The following RAPGEF1 variants were observed in gnomAD, a reference collection of about 807,000 sequenced individuals.
RAPGEF1 encodes Rap guanine nucleotide exchange factor 1.
A neutral mutation model predicts 143.3 loss-of-function variants in RAPGEF1; 33 were observed. The observed-to-expected ratio is 0.23, with a 90% confidence interval of 0.17 to 0.31. The LOEUF (loss-of-function observed/expected upper bound fraction) is 0.31. Among genes scored for constraint, RAPGEF1 ranks in the 10% least tolerant of loss-of-function variants. The pLI, the probability that RAPGEF1 is intolerant of heterozygous loss-of-function variation, is 1.00. For missense variants in RAPGEF1, 1,199 were observed against 1,645.4 expected, an observed-to-expected ratio of 0.73 and a Z score of 4.69; for synonymous variants, 629 against 676.5, an observed-to-expected ratio of 0.93 and a Z score of 1.09.
chr9:131,625,691 G>A (rs1187000304), intron 10 of RAPGEF1, among the ~76,000 whole-genome samples: 1 of 152,186 alleles, frequency 6.6e-6, no homozygotes, highest in Non-Finnish European at 1.5e-5. Context: ...CATGGAGACC[G>A]GACCTGAGAT....
intron 1 of RAPGEF1, among the ~76,000 whole-genome samples, chr9:131,719,717 C>G (rs966209935): frequency 2.6e-5 from 4 of 151,868 alleles, no homozygotes; most frequent in African/African-American, 9.7e-5. Flanking sequence ...GAGAAGGATA[C>G]TGTTACTGTT....
chr9:131,676,780 T>C (rs1259491952), intron 1 of RAPGEF1, among the ~76,000 whole-genome samples: 2 of 152,264 alleles, frequency 1.3e-5, no homozygotes, highest in Admixed American at 6.5e-5. Flanking sequence ...ACATAATTTC[T>C]CTAAGCCTCT....
chr9:131,633,639 A>T (rs1027711806), intron 5 of RAPGEF1, among the ~76,000 whole-genome samples: 1 of 152,136 alleles, frequency 6.6e-6, no homozygotes, highest in Non-Finnish European at 1.5e-5. Context: ...ACATGTGCCC[A>T]AATTCAAAGA....
At position 131,629,167 on chromosome 9, in the gene RAPGEF1, A is replaced by C; in HGVS notation, c.828T>G (p.Asp276Glu). 1 of 1,614,038 alleles carries C rather than the reference A, an allele frequency of 6.2e-7. No individual in the cohort carries two copies. Among genetic ancestry groups the C allele is most frequent in the Non-Finnish European group, 8.5e-7 (1 of 1,179,906 alleles). The change falls in exon 7 of 27, where the codon GAT becomes GAG. Residue 276 changes from aspartate to glutamate, a missense_variant. Around this residue, in one of 6 missense-constraint regions of RAPGEF1, gnomAD observed 613 missense variants for 710.9 expected, o/e 0.86. Coordinates refer to ENST00000683357, the MANE Select transcript of RAPGEF1 (RefSeq NM_001377935.1). ...GMSQSTELLP[D>E]ATDEEVAPPK... Reference sequence around the variant, plus strand: ...GGGGCGCGACCTCTTCATCCGTGGCATCTGGGAGGAGCTCAGTTGACTGTG... The same window carrying C: ...GGGGCGCGACCTCTTCATCCGTGGCCTCTGGGAGGAGCTCAGTTGACTGTG...
chr9:131,589,054 T>C (rs767681505), intron 19 of RAPGEF1, 68 bp from the exon 20 acceptor site: 40 of 1,481,958 alleles, frequency 2.7e-5, no homozygotes, highest in Non-Finnish European at 3.5e-5. Flanking sequence ...GTCTTTGCCT[T>C]GAGACACACA....
intron 1 of RAPGEF1, among the ~76,000 whole-genome samples, chr9:131,669,563 C>G (rs902436285): frequency 6.6e-6 from 1 of 152,158 alleles, no homozygotes; most frequent in Admixed American, 6.5e-5. Flanking sequence ...TGCCCCTGAA[C>G]GAGGGCAGTT....
intron 12 of RAPGEF1, among the ~76,000 whole-genome samples, chr9:131,609,444 A>G (rs909947418): frequency 2.0e-5 from 3 of 152,176 alleles, no homozygotes; most frequent in African/African-American, 7.2e-5. Context: ...TAACCATGCA[A>G]TCCCACAGCT....
intron 5 of RAPGEF1, among the ~76,000 whole-genome samples, chr9:131,635,498 G>A (rs1446683297): frequency 2.6e-5 from 4 of 151,950 alleles, no homozygotes; most frequent in East Asian, 1.9e-4. Context: ...AACGTCCAAC[G>A]CCCCTCCTCC....
At chr9:131,608,779 G>A (rs758619785) in intron 12 of RAPGEF1, among the ~76,000 whole-genome samples, 1 of 152,178 alleles carries the variant, frequency 6.6e-6, no homozygotes, top group Non-Finnish European at 1.5e-5. Context: ...GCCAGGAGCT[G>A]CATCAGGGCT....
chr9:131,626,453 G>GT (rs1963089418), intron 9 of RAPGEF1, 31 bp from the exon 10 acceptor site: 18 of 1,529,532 alleles, frequency 1.2e-5, no homozygotes, highest in Non-Finnish European at 1.6e-5. Context: ...AAAGAGACCC[G>GT]TTAGCCACAG....
At chr9:131,708,355 C>A (rs1349605724) in intron 1 of RAPGEF1, among the ~76,000 whole-genome samples, 1 of 152,218 alleles carries the variant, frequency 6.6e-6, no homozygotes, top group Non-Finnish European at 1.5e-5. Context: ...GCCGGCCGGT[C>A]TCCTGGGTCA....
At chr9:131,733,695 A>G (rs1421869284) in intron 1 of RAPGEF1, among the ~76,000 whole-genome samples, 2 of 152,176 alleles carry the variant, frequency 1.3e-5, no homozygotes, top group East Asian at 1.9e-4. Context: ...GGGGTGGGGC[A>G]GGCGGTGGGT....
At position 131,582,649 on chromosome 9, in the gene RAPGEF1, G is replaced by C; in HGVS notation, c.3468C>G (p.Tyr1156Ter). 6.5e-7 allele frequency: 1 copy of C among 1,536,606 alleles called. No homozygotes were observed. The highest frequency in any genetic ancestry group is 8.7e-7 in the Non-Finnish European group (1 of 1,151,196). ...LIDSSSSFRA[Y>*]RAALSEVEPP... ...GTTCCACCTCCGAGAGGGCGGCCCG[G>C]TAGGCTCGGAAGGAGGACGAGCTGT... Residue 1156 changes from tyrosine (Y) to a stop codon, truncating the protein, a stop_gained, in exon 25 of 27, where the codon TAC becomes TAG. Transcript: ENST00000683357. LOFTEE classifies it high-confidence loss of function.
chr9:131,592,109 G>A lies in RAPGEF1; in HGVS notation c.2764C>T (p.Leu922=), dbSNP rs768626981. 3.7e-6 allele frequency: 6 copies of A among 1,609,904 alleles called. No homozygotes were observed. Among genetic ancestry groups the A allele is most frequent in the Non-Finnish European group, 5.1e-6 (6 of 1,176,210 alleles). The part of the protein sequence containing the change: ...FISPEELIKK[L]QYRYEKFSPF... ...GGAAGGAAAGGATATCTGTACTGCA[G>A]CTTCTTGATGAGCTCCTCTGGGGAG... Residue 922 remains leucine, a synonymous_variant, in exon 18 of 27, where the codon CTG becomes TTG. Transcript: ENST00000683357.
Position 131,588,810 on chromosome 9 carries a change from A to AC in RAPGEF1, c.3043dup (p.Val1015GlyfsTer15). On this transcript the variant is annotated frameshift_variant, in exon 20 of 27. Coordinates refer to ENST00000683357, the MANE Select transcript of RAPGEF1 (RefSeq NM_001377935.1). LOFTEE classifies it high-confidence loss of function. ...GAGGTGGGCTTCTCACCTGGCTGCT[A>AC]CCCCCCGGGCTGCCAGGGGCTGGCT... The AC allele has an allele frequency of 1.2e-6, 2 of 1,611,348 alleles. No homozygotes were observed. Among genetic ancestry groups the AC allele is most frequent in the Non-Finnish European group, 8.5e-7 (1 of 1,178,854 alleles).
At chr9:131,726,359 G>A (rs1054308468) in intron 1 of RAPGEF1, among the ~76,000 whole-genome samples, 3 of 152,002 alleles carry the variant, frequency 2.0e-5, no homozygotes, top group Non-Finnish European at 4.4e-5. Context: ...GGGCACAGTG[G>A]CTCACACCTG....
chr9:131,686,893 G>A (rs946876986), intron 1 of RAPGEF1, among the ~76,000 whole-genome samples: 1 of 152,144 alleles, frequency 6.6e-6, no homozygotes. Context: ...TAACTACATC[G>A]TCATACTATA....
chr9:131,727,853 G>C (rs1160379830), intron 1 of RAPGEF1, among the ~76,000 whole-genome samples: 1 of 152,200 alleles, frequency 6.6e-6, no homozygotes, highest in African/African-American at 2.4e-5. Context: ...GCATGCTTTT[G>C]ATCTATGCCT....
intron 3 of RAPGEF1, among the ~76,000 whole-genome samples, chr9:131,643,862 G>T (rs1042078780): frequency 7.9e-5 from 12 of 152,150 alleles, no homozygotes; most frequent in African/African-American, 2.9e-4. Flanking sequence ...GAAAGACTGT[G>T]TAAGACTGGT....
Sources: gnomAD v4.1 joint callset for allele counts (sites outside exome capture counted in the v4.1 genomes callset) on GRCh38, gnomAD v4.1.1 for gene constraint, gnomAD v4.1.1 regional missense constraint, MANE v1.5 for transcripts, NCBI Gene and HGNC (gene_info 2026-07-23, HGNC 2026-07-21) for gene names.